Variants in USP54 observed in about 807,000 individuals in gnomAD.
USP54 encodes ubiquitin specific peptidase 54.
USP54 carries 87 observed loss-of-function variants against 170.5 expected under a neutral mutation model. The ratio of observed to expected loss-of-function variants is 0.51; its 90% CI spans 0.43 to 0.61. The LOEUF (loss-of-function observed/expected upper bound fraction) is 0.61, where lower values mean the gene tolerates loss of function less well. USP54 is among the 20% of genes least tolerant of loss of function. The pLI is 0.00. For missense variants in USP54, 1,786 were observed against 2,047.8 expected, an observed-to-expected ratio of 0.87 and a Z score of 2.47; for synonymous variants, 655 against 742.8, an observed-to-expected ratio of 0.88 and a Z score of 1.92.
chr10:73,504,841 T>A lies in USP54; in HGVS notation c.4311+9A>T. On this transcript the variant is annotated intron_variant, in intron 22 of 23. Transcript: ENST00000687698. Reference sequence around the variant, plus strand: ...GTGCTCTGAATAGATGGACCCTGATTCTACTTACAAAACTGTGGGAAGAAA... The same window carrying A: ...GTGCTCTGAATAGATGGACCCTGATACTACTTACAAAACTGTGGGAAGAAA... 6.2e-7 allele frequency: 1 copy of A among 1,614,132 alleles called. No individual in the cohort carries two copies.
Position 73,541,384 on chromosome 10 carries a change from C to A in USP54, c.816G>T (p.Lys272Asn), listed in dbSNP as rs1167435680. Residue 272 changes from lysine to asparagine, a missense_variant, in exon 9 of 24, where the codon AAG becomes AAT. Coordinates refer to ENST00000687698, the MANE Select transcript of USP54 (RefSeq NM_001391956.1). The stretch of plus-strand genomic sequence containing the variant: ...GGTAACTAACACGCACATCACCCAG[C>A]TTAAGGCAGGTTCCCAGGCTGTGGA... ...DVIHSLGTCL[K>N]LGDLFFRVTD... 2 of 1,614,108 alleles carry A rather than the reference C, an allele frequency of 1.2e-6. No homozygotes were observed. Among genetic ancestry groups the A allele is most frequent in the East Asian group, 4.5e-5 (2 of 44,886 alleles).
At chr10:73,593,419 G>C (rs1020674088), upstream of USP54, among the ~76,000 whole-genome samples, 4 of 150,340 alleles carry the variant, frequency 2.7e-5, no homozygotes, top group African/African-American at 9.8e-5. Flanking sequence ...AGAAAGAAAA[G>C]GTTTTGGGTA....
intron 12 of USP54, 108 bp from the exon 13 acceptor site, chr10:73,530,943 T>C (rs2063837998): frequency 1.5e-5 from 22 of 1,485,702 alleles, no homozygotes; most frequent in Non-Finnish European, 1.9e-5. Flanking sequence ...AGAGTACCCA[T>C]GGAACAGAAG....
intron 20 of USP54, among the ~76,000 whole-genome samples, chr10:73,512,560 G>T (rs578025327): frequency 1.3e-5 from 2 of 151,996 alleles, no homozygotes; most frequent in Non-Finnish European, 2.9e-5. Flanking sequence ...CAGGCTGGAG[G>T]AGAGTGGCTG....
Position 73,575,875 on chromosome 10 carries a change from TC to T in USP54, c.-96del, listed in dbSNP as rs1475537288. On this transcript the variant is annotated 5_prime_UTR_variant, in exon 2 of 24. An upstream open reading frame in the 5' UTR gains an earlier in-frame stop. Coordinates refer to ENST00000687698, the MANE Select transcript of USP54 (RefSeq NM_001391956.1). Reference sequence around the variant, plus strand: ...GATGACAGAGCCCTCCCTCACTTGTTCCAAACAATCTCCAAAATGTAACATG... The same window carrying T: ...GATGACAGAGCCCTCCCTCACTTGTTCAAACAATCTCCAAAATGTAACATG... 2.8e-5 allele frequency: 12 copies of T among 422,666 alleles called. No homozygotes were observed. Among genetic ancestry groups the T allele is most frequent in the African/African-American group, 2.0e-4 (10 of 49,254 alleles). 26.2% of individuals were successfully genotyped at this position (422,666 alleles called of 1,614,324 possible). A position where few individuals can be genotyped will look rare whatever the true frequency, so the allele number is the denominator to read the frequency against.
At chr10:73,515,489 C>T (rs1044768092) in intron 20 of USP54, among the ~76,000 whole-genome samples, 14 of 152,140 alleles carry the variant, frequency 9.2e-5, no homozygotes, top group Non-Finnish European at 1.5e-4. Flanking sequence ...GGTGCAGGCT[C>T]TACTCTTCAC....
At position 73,516,821 on chromosome 10, in the gene USP54, G is replaced by T; in HGVS notation, c.3605C>A (p.Ser1202Tyr). The change falls in exon 20 of 24, where the codon TCC becomes TAC. Residue 1202 changes from serine (S) to tyrosine (Y), a missense_variant. Transcript: ENST00000687698. ...TAAGGCAAGAGAAGAATGTTCAGTG[G>T]ACTCTTCCCAGGAAAGTGGTCTATC... ...GGDRPLSWEE[S>Y]TEHSSLALNS... The T allele has an allele frequency of 6.2e-7, 1 of 1,614,210 alleles. No individual in the cohort carries two copies. The highest frequency in any genetic ancestry group is 8.5e-7 in the Non-Finnish European group (1 of 1,180,038).
At chr10:73,550,709 A>T (rs928730532) in intron 4 of USP54, among the ~76,000 whole-genome samples, 2 of 152,006 alleles carry the variant, frequency 1.3e-5, no homozygotes, top group Non-Finnish European at 2.9e-5. Flanking sequence ...GTTTTTTTTT[A>T]AATAAGTAAG....
chr10:73,587,840 G>A (rs183329216), intron 1 of USP54, among the ~76,000 whole-genome samples: 4 of 152,284 alleles, frequency 2.6e-5, no homozygotes, highest in African/African-American at 9.6e-5. Context: ...ATTATGGTGA[G>A]GATAATGATG....
At chr10:73,595,620 T>A (rs2078663507), upstream of USP54, among the ~76,000 whole-genome samples, 1 of 152,204 alleles carries the variant, frequency 6.6e-6, no homozygotes, top group African/African-American at 2.4e-5. Flanking sequence ...ATTGTTTAAA[T>A]TCATTTATTT....
intron 1 of USP54, among the ~76,000 whole-genome samples, chr10:73,612,839 C>CAAAA (rs756355670): frequency 3.6e-4 from 15 of 42,116 alleles, no homozygotes; most frequent in African/African-American, 1.1e-3. Flanking sequence ...GACATTGTCT[C>CAAAA]AAAAAAAAAA....
chr10:73,530,288 G>A lies in USP54; in HGVS notation c.1683C>T (p.Ser561=), dbSNP rs1278410418. ...TGGAAGAACTGGATTTTGACTCACT[G>A]CTGGTACTCTCTATTTCCCAGTCAC... ...HSRDWEIEST[S]SESKSSSSSK... The change falls in exon 14 of 24, where the codon AGC becomes AGT. Residue 561 remains serine (S), a synonymous_variant. Transcript: ENST00000687698. 2 of 1,614,194 alleles carry A rather than the reference G, an allele frequency of 1.2e-6. No homozygotes were observed. The highest frequency in any genetic ancestry group is 1.7e-6 in the Non-Finnish European group (2 of 1,180,034).
chr10:73,524,659 G>T (rs2062542889), intron 16 of USP54, among the ~76,000 whole-genome samples: 1 of 152,104 alleles, frequency 6.6e-6, no homozygotes, highest in Non-Finnish European at 1.5e-5. Flanking sequence ...CTGAACATTT[G>T]TTCAGCACTT....
chr10:73,538,374 G>A (rs1313283951), intron 10 of USP54: 6 of 151,810 alleles, frequency 4.0e-5, no homozygotes, highest in South Asian at 2.1e-4. Flanking sequence ...CAATCTCCCC[G>A]AGCCCAAAAG....
chr10:73,519,511 A>G, intron 19 of USP54: 1 of 404,628 alleles, frequency 2.5e-6, no homozygotes, highest in Admixed American at 3.6e-5. Flanking sequence ...AATATATACA[A>G]ATATAATAAT....
chr10:73,498,843 A>G lies in USP54; in HGVS notation c.4841T>C (p.Leu1614Pro). The G allele has an allele frequency of 7.2e-7, 1 of 1,395,566 alleles. No individual in the cohort carries two copies. Among genetic ancestry groups the G allele is most frequent in the South Asian group, 1.1e-5 (1 of 88,222 alleles). 86.4% of individuals were successfully genotyped at this position (1,395,566 alleles called of 1,614,324 possible). A position where few individuals can be genotyped will look rare whatever the true frequency, so the allele number is the denominator to read the frequency against. ...YPPSSSLHVPLRSAWNSDPVP... is the reference protein window; with the variant it reads ...YPPSSSLHVPPRSAWNSDPVP... ...AGGATCTGAATTCCAAGCTGACCTC[A>G]GGGGTACATGAAGACTGCTAGATGG... The change falls in exon 24 of 24, where the codon CTG becomes CCG. Residue 1614 changes from leucine (L) to proline (P), a missense_variant. Physicochemically the swap from Leu to Pro is moderately conservative, Grantham distance 98. Coordinates refer to ENST00000687698, the MANE Select transcript of USP54 (RefSeq NM_001391956.1).
Position 73,544,636 on chromosome 10 carries a change from G to A in USP54, c.375+902C>T, listed in dbSNP as rs193247061. On this transcript the variant is annotated intron_variant, in intron 5 of 23. Coordinates refer to ENST00000687698, the MANE Select transcript of USP54 (RefSeq NM_001391956.1). ...CCACCAGCAATATATCAGTGATCCA[G>A]TTCCTCAGGAGCACCTCTGATTTGG... 1.6e-4 allele frequency among the ~76,000 whole-genome samples: 24 copies of A among 152,236 alleles called. 1 individual carries two copies. In the East Asian group the frequency reaches 3.9e-3, roughly 24 times the overall value.
chr10:73,591,316 C>T lies in USP54; in HGVS notation c.-620G>A, dbSNP rs2078226678. ...CAACCTCCAGCAAAAGACCTCTAAT[C>T]ACGAGGGTATCTGTGGGGCAAGTGA... On this transcript the variant is annotated 5_prime_UTR_variant, in exon 1 of 24. Coordinates refer to ENST00000687698, the MANE Select transcript of USP54 (RefSeq NM_001391956.1). 1 of 152,248 alleles carries T rather than the reference C, an allele frequency of 6.6e-6. No homozygotes were observed. The highest frequency in any genetic ancestry group is 2.1e-4 in the South Asian group (1 of 4,814). The allele number at this position is 152,248 out of a possible 1,614,324, so 9.4% of individuals were successfully genotyped here.
intron 17 of USP54, among the ~76,000 whole-genome samples, chr10:73,522,498 T>A (rs2133331608): frequency 6.6e-6 from 1 of 152,308 alleles, no homozygotes; most frequent in Non-Finnish European, 1.5e-5. Context: ...GATCTCCTCC[T>A]AACTTTAATC....
Sources: gnomAD v4.1 joint callset for allele counts (sites outside exome capture counted in the v4.1 genomes callset) on GRCh38, gnomAD v4.1.1 for gene constraint, MANE v1.5 for transcripts, NCBI Gene and HGNC (gene_info 2026-07-23, HGNC 2026-07-21) for gene names.